AGPAT5: variants seen among roughly 807,000 people sequenced by gnomAD.
AGPAT5 encodes 1-acylglycerol-3-phosphate O-acyltransferase 5.
AGPAT5 carries 46 observed loss-of-function variants against 45.6 expected under a neutral mutation model. The observed-to-expected ratio is 1.01, with a 90% CI of 0.80 to 1.29. The LOEUF (loss-of-function observed/expected upper bound fraction) is 1.29, where lower values mean the gene tolerates loss of function less well. AGPAT5 is among the 50% of genes most tolerant of loss of function. The pLI is 0.00. For synonymous variants in AGPAT5, 272 were observed against 167.0 expected (o/e 1.63, Z -4.85); for missense variants, 673 against 450.7 (o/e 1.49, Z -4.47).
In AGPAT5 at chr8:6,758,142, A is replaced by G. The variant is rs2928582; in HGVS notation, c.*754A>G. Reference sequence around the variant, plus strand: ...CCAGCTTTTTGAAGATTTAAGCTACACTATTAGTACTTCCCTTTGTCTGTG... The same window carrying G: ...CCAGCTTTTTGAAGATTTAAGCTACGCTATTAGTACTTCCCTTTGTCTGTG... On this transcript the variant is annotated 3_prime_UTR_variant, in exon 8 of 8. Coordinates refer to ENST00000285518, the MANE Select transcript of AGPAT5 (RefSeq NM_018361.5). The G allele has an allele frequency of 1, 152,450 of 152,484 alleles. 76,208 individuals carry two copies. The highest frequency in any genetic ancestry group is 1 in the Middle Eastern group (294 of 294). The allele number at this position is 152,484 out of a possible 1,614,324, so 9.4% of individuals were successfully genotyped here.
At chr8:6,731,485 G>T (rs183599683) in intron 3 of AGPAT5, among the ~76,000 whole-genome samples, 409 of 151,888 alleles carry the variant, frequency 2.7e-3, no homozygotes, top group African/African-American at 9.1e-3. Context: ...CCATGTAAAT[G>T]GTTGTTATAC....
intron 6 of AGPAT5, among the ~76,000 whole-genome samples, chr8:6,753,522 G>C (rs1801724800): frequency 6.6e-6 from 1 of 152,176 alleles, no homozygotes. Context: ...TGCATACTGT[G>C]TGCCAAGCAC....
rs189452315 is a variant in AGPAT5, at chr8:6,759,878, C to T, written c.*2490C>T. Among the ~76,000 whole-genome samples, 117 of 152,152 alleles carry T rather than the reference C, an allele frequency of 7.7e-4. No homozygotes were observed. Among genetic ancestry groups the T allele is most frequent in the African/African-American group, 2.6e-3 (108 of 41,504 alleles). On this transcript the variant is annotated 3_prime_UTR_variant, in exon 8 of 8. Coordinates refer to ENST00000285518, the MANE Select transcript of AGPAT5 (RefSeq NM_018361.5). ...ATCTGCAATTTATAAGATGCATGGCCGATGTTAATTTGCTTGGCAATTCTG... is the reference window on the plus strand; with the variant it reads ...ATCTGCAATTTATAAGATGCATGGCTGATGTTAATTTGCTTGGCAATTCTG...
intron 7 of AGPAT5, among the ~76,000 whole-genome samples, chr8:6,756,784 A>G (rs780045427): frequency 5.3e-5 from 8 of 152,136 alleles, no homozygotes; most frequent in Admixed American, 1.3e-4. Context: ...CGCTGGTCCT[A>G]TCTTTGACTT....
At chr8:6,751,096 T>C (rs1801642552) in intron 6 of AGPAT5, among the ~76,000 whole-genome samples, 2 of 152,160 alleles carry the variant, frequency 1.3e-5, no homozygotes, top group Non-Finnish European at 2.9e-5. Flanking sequence ...TATGAATTGA[T>C]GGGTGTTCTG....
chr8:6,719,742 A>T (rs1389400666), intron 1 of AGPAT5, among the ~76,000 whole-genome samples: 1 of 152,232 alleles, frequency 6.6e-6, no homozygotes, highest in African/African-American at 2.4e-5. Flanking sequence ...GATCTGGAAG[A>T]TCATATTAAT....
At chr8:6,734,365 C>T (rs1290941060) in intron 4 of AGPAT5, among the ~76,000 whole-genome samples, 1 of 151,220 alleles carries the variant, frequency 6.6e-6, no homozygotes, top group Non-Finnish European at 1.5e-5. Context: ...CTTCCTTTGG[C>T]TGTGTTGAGT....
chr8:6,731,355 A>C (rs1338819081), intron 3 of AGPAT5, among the ~76,000 whole-genome samples: 1 of 152,172 alleles, frequency 6.6e-6, no homozygotes, highest in Non-Finnish European at 1.5e-5. Flanking sequence ...GAACCACCAC[A>C]GATACCAAAA....
chr8:6,722,566 G>A (rs28406664), intron 1 of AGPAT5, among the ~76,000 whole-genome samples: 3,386 of 152,234 alleles, frequency 0.022, 124 homozygotes, highest in African/African-American at 0.077. Flanking sequence ...TTTAGATGCC[G>A]TATGACTACC....
intron 1 of AGPAT5, among the ~76,000 whole-genome samples, chr8:6,721,891 C>T (rs568962234): frequency 3.9e-5 from 6 of 151,948 alleles, no homozygotes; most frequent in Admixed American, 1.3e-4. Flanking sequence ...AGGGGTCTTG[C>T]TGTGTTGCCA....
chr8:6,741,048 T>G, intron 4 of AGPAT5, among the ~76,000 whole-genome samples: 1 of 152,276 alleles, frequency 6.6e-6, no homozygotes. Context: ...GATTACTTAT[T>G]AAACGTCCAG....
At position 6,715,062 on chromosome 8, in the gene AGPAT5, A is replaced by G. The variant is rs778857208; in HGVS notation, c.219+6175A>G. 3.3e-5 allele frequency among the ~76,000 whole-genome samples: 5 copies of G among 152,316 alleles called. No homozygotes were observed. In the South Asian group the frequency reaches 6.2e-4, roughly 19 times the overall value. ...GAACCCAGATCCCTTAATTCCTGCA[A>G]TATTCCCGTGTGTACATTGTTCCAG... On this transcript the variant is annotated intron_variant, in intron 1 of 7. Transcript: ENST00000285518.
intron 7 of AGPAT5, among the ~76,000 whole-genome samples, chr8:6,756,055 A>G (rs756294767): frequency 8.5e-5 from 13 of 152,224 alleles, no homozygotes; most frequent in Non-Finnish European, 1.6e-4. Context: ...TTTTAAAACA[A>G]TGATTATTGC....
intron 1 of AGPAT5, among the ~76,000 whole-genome samples, chr8:6,723,892 C>A (rs116696360): frequency 1.3e-5 from 2 of 152,274 alleles, no homozygotes; most frequent in South Asian, 4.1e-4. Context: ...AAAAGATAAT[C>A]CTTATGGACA....
intron 7 of AGPAT5, among the ~76,000 whole-genome samples, chr8:6,756,243 G>T (rs746699984): frequency 6.6e-6 from 1 of 152,036 alleles, no homozygotes; most frequent in Non-Finnish European, 1.5e-5. Context: ...GGGAATAAAG[G>T]CGTTTTTGAG....
At chr8:6,714,395 G>C (rs1264450649) in intron 1 of AGPAT5, among the ~76,000 whole-genome samples, 1 of 152,072 alleles carries the variant, frequency 6.6e-6, no homozygotes, top group South Asian at 2.1e-4. Context: ...TTAAATTCTG[G>C]TTAGGGAACT....
intron 1 of AGPAT5, 124 bp downstream of exon 1, chr8:6,709,011 C>G (rs1800041450): frequency 4.4e-6 from 4 of 904,104 alleles, no homozygotes; most frequent in Non-Finnish European, 7.0e-6. Context: ...ACGGAGAGCA[C>G]GTGCCGCCTC....
At chr8:6,732,072 A>G (rs1800883389) in intron 3 of AGPAT5, among the ~76,000 whole-genome samples, 1 of 152,196 alleles carries the variant, frequency 6.6e-6, no homozygotes, top group Non-Finnish European at 1.5e-5. Flanking sequence ...AGTGGGAACT[A>G]TTAGGGCTTT....
chr8:6,747,532 C>A (rs1173586508), intron 5 of AGPAT5, 138 bp from the exon 6 acceptor site: 4 of 777,892 alleles, frequency 5.1e-6, no homozygotes, highest in Non-Finnish European at 8.0e-6. Context: ...AAACTTAGAG[C>A]CCTAAATATA....
Sources: gnomAD v4.1 joint callset for allele counts (sites outside exome capture counted in the v4.1 genomes callset) on GRCh38, gnomAD v4.1.1 for gene constraint, MANE v1.5 for transcripts, NCBI Gene and HGNC (gene_info 2026-07-23, HGNC 2026-07-21) for gene names.